Variants in NPSR1 observed in about 807,000 individuals in gnomAD.
NPSR1 encodes neuropeptide S receptor.
Under a neutral mutation model 46.9 loss-of-function variants are expected in NPSR1, and 48 were observed. The ratio of observed to expected loss-of-function variants is 1.02; its 90% CI spans 0.81 to 1.30. The LOEUF is 1.30. Ranked by LOEUF, NPSR1 falls within the 50% of genes most tolerant of loss-of-function variation. NPSR1 has a pLI of 0.00. For missense variants in NPSR1, 450 were observed against 449.5 expected (o/e 1.00, Z -0.01); for synonymous variants, 176 against 168.1 (o/e 1.05, Z -0.36).
intron 3 of NPSR1, among the ~76,000 whole-genome samples, chr7:34,789,656 G>A (rs780791355): frequency 2.7e-5 from 4 of 150,492 alleles, no homozygotes; most frequent in Non-Finnish European, 5.9e-5. Context: ...AGCCAGGTGT[G>A]GTGGCGGGCC....
chr7:34,806,623 AAC>A (rs1308039839), intron 3 of NPSR1, among the ~76,000 whole-genome samples: 1 of 152,122 alleles, frequency 6.6e-6, no homozygotes, highest in Non-Finnish European at 1.5e-5. Context: ...AGAACTGTCC[AAC>A]ACAGAGTGAA....
intron 3 of NPSR1, among the ~76,000 whole-genome samples, chr7:34,807,049 G>A (rs1012570426): frequency 2.0e-5 from 3 of 152,070 alleles, no homozygotes; most frequent in African/African-American, 7.2e-5. Context: ...CCCATATGTT[G>A]TTGATGTGTA....
At chr7:34,807,317 T>C (rs1001602362) in intron 3 of NPSR1, among the ~76,000 whole-genome samples, 2 of 152,182 alleles carry the variant, frequency 1.3e-5, no homozygotes, top group Non-Finnish European at 2.9e-5. Context: ...TTTATAGCAA[T>C]GTGTACTATT....
intron 2 of NPSR1, among the ~76,000 whole-genome samples, chr7:34,727,869 C>A (rs1353514884): frequency 6.6e-6 from 1 of 152,050 alleles, no homozygotes; most frequent in Non-Finnish European, 1.5e-5. Flanking sequence ...AACTGCCATT[C>A]TCCCAAAGAT....
intron 4 of NPSR1, among the ~76,000 whole-genome samples, chr7:34,826,887 C>CG (rs1554336617): frequency 1.4e-5 from 2 of 140,816 alleles, no homozygotes; most frequent in African/African-American, 5.2e-5. Flanking sequence ...ATGTTCCTAC[C>CG]AAAAAAAAAA....
intron 2 of NPSR1, among the ~76,000 whole-genome samples, chr7:34,760,827 C>G (rs1311177538): frequency 1.3e-5 from 2 of 152,214 alleles, no homozygotes; most frequent in South Asian, 2.1e-4. Flanking sequence ...TTTGATGAAA[C>G]AGCACTAAAA....
intron 2 of NPSR1, among the ~76,000 whole-genome samples, chr7:34,760,352 AC>A (rs913129475): frequency 6.6e-6 from 1 of 152,222 alleles, no homozygotes; most frequent in Admixed American, 6.5e-5. Context: ...TAAACATTTT[AC>A]ATAAACTATC....
At chr7:34,686,850 T>C (rs984361942) in intron 2 of NPSR1, among the ~76,000 whole-genome samples, 2 of 151,158 alleles carry the variant, frequency 1.3e-5, no homozygotes, top group Admixed American at 6.6e-5. Context: ...AAAGTAAATA[T>C]CTTAAGAGCA....
chr7:34,774,472 A>G (rs991445257), intron 2 of NPSR1, among the ~76,000 whole-genome samples: 4 of 152,168 alleles, frequency 2.6e-5, no homozygotes, highest in Non-Finnish European at 2.9e-5. Flanking sequence ...GACTTAGTGC[A>G]TTGGCAATAA....
At chr7:34,830,515 C>G (rs1171015184) in intron 5 of NPSR1, among the ~76,000 whole-genome samples, 1 of 152,104 alleles carries the variant, frequency 6.6e-6, no homozygotes, top group Non-Finnish European at 1.5e-5. Context: ...AGTAATGCCA[C>G]TTTTCTTGTT....
chr7:34,778,416 A>G, intron 2 of NPSR1, 46 bp from the exon 3 acceptor site: 1 of 1,145,756 alleles, frequency 8.7e-7, no homozygotes, highest in Non-Finnish European at 1.3e-6. Context: ...TGAAAAATAA[A>G]AATAAAAATA....
chr7:34,827,585 C>T lies in NPSR1; in HGVS notation c.663C>T (p.Ile221=). Residue 221 remains isoleucine, a synonymous_variant, in exon 5 of 9, where the codon ATC becomes ATT. Transcript: ENST00000360581. The stretch of plus-strand genomic sequence containing the variant: ...TCGTGGCCTTCCTGGTGTACTTCAT[C>T]CCTCTGACAATCATCAGGTAAGAAG... ...MTIVAFLVYF[I]PLTIISIMYG... is the part of the protein sequence containing the mutation. 6.2e-7 allele frequency: 1 copy of T among 1,609,768 alleles called. No individual in the cohort carries two copies. The highest frequency in any genetic ancestry group is 8.5e-7 in the Non-Finnish European group (1 of 1,177,614).
intron 3 of NPSR1, among the ~76,000 whole-genome samples, chr7:34,783,970 G>C (rs1325647781): frequency 6.6e-6 from 1 of 151,850 alleles, no homozygotes; most frequent in East Asian, 1.9e-4. Flanking sequence ...AGCTGAAAGA[G>C]TTCATCACCA....
At chr7:34,691,508 G>C (rs577973603) in intron 2 of NPSR1, among the ~76,000 whole-genome samples, 17 of 152,176 alleles carry the variant, frequency 1.1e-4, no homozygotes, top group Admixed American at 5.9e-4. Context: ...TCAAAGTAAA[G>C]GGGTGGGAAA....
In NPSR1 at chr7:34,746,310, A is replaced by C. The variant is rs112077188; in HGVS notation, c.281-32152A>C. 1.4e-3 allele frequency among the ~76,000 whole-genome samples: 212 copies of C among 152,352 alleles called. 3 individuals carry two copies. The highest frequency in any genetic ancestry group is 4.5e-3 in the African/African-American group (188 of 41,576). On this transcript the variant is annotated intron_variant, in intron 2 of 8. Transcript: ENST00000360581. Reference sequence around the variant, plus strand: ...TTTCCATGGTTTCAGTTAATAGTGCAATAGAGTAAGATATTTTGAGAGAGA... The same window carrying C: ...TTTCCATGGTTTCAGTTAATAGTGCCATAGAGTAAGATATTTTGAGAGAGA...
intron 6 of NPSR1, among the ~76,000 whole-genome samples, chr7:34,838,283 A>T (rs998168511): frequency 4.6e-5 from 7 of 152,160 alleles, no homozygotes; most frequent in Middle Eastern, 3.2e-3. Flanking sequence ...CCACTGATAT[A>T]GAGTATGCCA....
intron 6 of NPSR1, among the ~76,000 whole-genome samples, chr7:34,835,861 C>T (rs1790341488): frequency 6.6e-6 from 1 of 152,194 alleles, no homozygotes; most frequent in South Asian, 2.1e-4. Flanking sequence ...TTTTACAATG[C>T]ACCGAAACCC....
At chr7:34,693,301 A>G (rs1453820529) in intron 2 of NPSR1, among the ~76,000 whole-genome samples, 1 of 148,942 alleles carries the variant, frequency 6.7e-6, no homozygotes. Flanking sequence ...GAATGGACTA[A>G]TGCAGTGAAA....
intron 2 of NPSR1, among the ~76,000 whole-genome samples, chr7:34,722,961 A>G (rs1250167323): frequency 1.3e-5 from 2 of 152,192 alleles, no homozygotes; most frequent in African/African-American, 4.8e-5. Context: ...TGAGTGTCCC[A>G]TTATTTGACC....
Sources: allele counts gnomAD v4.1 joint callset (sites outside exome capture counted in the v4.1 genomes callset), GRCh38; gene constraint gnomAD v4.1.1; transcripts MANE v1.5; gene names NCBI Gene and HGNC (gene_info 2026-07-23, HGNC 2026-07-21).